The following TM4SF5 variants were observed in gnomAD, a reference collection of about 807,000 sequenced individuals.
TM4SF5 encodes transmembrane 4 L6 family member 5.
In TM4SF5, 16 loss-of-function variants were observed where a neutral mutation model predicts 22.3. The observed-to-expected ratio is 0.72, with a 90% CI of 0.49 to 1.09. The LOEUF (loss-of-function observed/expected upper bound fraction) is 1.09. Ranked by LOEUF, TM4SF5 falls within the 50% of genes least tolerant of loss-of-function variation. The pLI is 0.00. For missense variants in TM4SF5, 249 were observed against 266.1 expected, an observed-to-expected ratio of 0.94 and a Z score of 0.45; for synonymous variants, 113 against 109.6, an observed-to-expected ratio of 1.03 and a Z score of -0.19.
At chr17:4,773,992 A>T (rs544998424) in intron 1 of TM4SF5, among the ~76,000 whole-genome samples, 1 of 152,148 alleles carries the variant, frequency 6.6e-6, no homozygotes, top group Non-Finnish European at 1.5e-5. Context: ...GAGGCGGGCC[A>T]ATCACCTGAG....
At chr17:4,782,402 C>A in intron 2 of TM4SF5, 101 bp from the exon 3 acceptor site, 2 of 1,429,960 alleles carry the variant, frequency 1.4e-6, no homozygotes, top group Non-Finnish European at 1.9e-6. Context: ...TTTAACAACC[C>A]GACTGGAGCA....
At chr17:4,777,546 G>A (rs967222694) in intron 1 of TM4SF5, among the ~76,000 whole-genome samples, 1 of 152,012 alleles carries the variant, frequency 6.6e-6, no homozygotes, top group African/African-American at 2.4e-5. Context: ...TTCAAGACCA[G>A]CCTGGGCAAC....
intron 3 of TM4SF5, 70 bp downstream of exon 3, chr17:4,782,709 G>A: frequency 1.3e-6 from 2 of 1,597,168 alleles, no homozygotes; most frequent in Non-Finnish European, 8.5e-7. Flanking sequence ...CCGTGGACTG[G>A]GACACCTGGG....
intron 1 of TM4SF5, 50 bp from the exon 2 acceptor site, chr17:4,780,739 G>A (rs374624155): frequency 3.9e-6 from 6 of 1,520,290 alleles, no homozygotes; most frequent in Non-Finnish European, 5.4e-6. Flanking sequence ...TGCAAGTCAG[G>A]CCTGGAGGAT....
intron 1 of TM4SF5, among the ~76,000 whole-genome samples, chr17:4,773,766 C>T (rs1407005914): frequency 1.3e-5 from 2 of 152,170 alleles, no homozygotes; most frequent in African/African-American, 2.4e-5. Flanking sequence ...GCCATTGTCA[C>T]GGGGTGCTCC....
chr17:4,780,714 G>T (rs1341772177), intron 1 of TM4SF5, 75 bp from the exon 2 acceptor site: 11 of 1,230,896 alleles, frequency 8.9e-6, no homozygotes, highest in Non-Finnish European at 9.2e-6. Flanking sequence ...GCTTCCTGAA[G>T]GAGGTAGGCA....
intron 1 of TM4SF5, among the ~76,000 whole-genome samples, chr17:4,774,515 C>T (rs1413644628): frequency 6.6e-6 from 1 of 151,868 alleles, no homozygotes; most frequent in Non-Finnish European, 1.5e-5. Flanking sequence ...CCACTGCACT[C>T]CAGCCTGGGC....
At chr17:4,782,467 G>C (rs1196374053) in intron 2 of TM4SF5, 36 bp from the exon 3 acceptor site, 2 of 1,613,094 alleles carry the variant, frequency 1.2e-6, no homozygotes, top group South Asian at 2.2e-5. Flanking sequence ...CAGGTGGGGA[G>C]ATTGGGCCTT....
intron 1 of TM4SF5, 60 bp from the exon 2 acceptor site, chr17:4,780,729 T>C (rs531276745): frequency 2.1e-6 from 3 of 1,444,976 alleles, no homozygotes; most frequent in Admixed American, 3.9e-5. Flanking sequence ...TAGGCACTGA[T>C]GCAAGTCAGG....
At chr17:4,775,170 G>A (rs777039048) in intron 1 of TM4SF5, among the ~76,000 whole-genome samples, 1 of 152,102 alleles carries the variant, frequency 6.6e-6, no homozygotes. Context: ...GGTCTGAGGA[G>A]GGCAGAGGCT....
chr17:4,775,921 T>C (rs1459192765), intron 1 of TM4SF5, among the ~76,000 whole-genome samples: 1 of 152,164 alleles, frequency 6.6e-6, no homozygotes, highest in East Asian at 1.9e-4. Context: ...CTCAGCTCAC[T>C]GCAACCTCCG....
Position 4,772,589 on chromosome 17 carries a change from C to T in TM4SF5, c.177+490C>T, listed in dbSNP as rs111433893. 6.7e-3 allele frequency among the ~76,000 whole-genome samples: 1,021 copies of T among 152,242 alleles called. 5 individuals carry two copies. The highest frequency in any genetic ancestry group is 0.017 in the Middle Eastern group (5 of 294). ...CACATTTCTGGAAGCCCAATCTGTG[C>T]GGACTGCTAAGGATAAACTCAGAAC... On this transcript the variant is annotated intron_variant, in intron 1 of 4. Transcript: ENST00000270560.
chr17:4,773,843 G>A (rs974212774), intron 1 of TM4SF5, among the ~76,000 whole-genome samples: 4 of 152,180 alleles, frequency 2.6e-5, no homozygotes, highest in Admixed American at 6.5e-5. Flanking sequence ...TTGCTTCAGC[G>A]GAGCTCCCTG....
At chr17:4,773,091 G>T (rs1308930474) in intron 1 of TM4SF5, among the ~76,000 whole-genome samples, 1 of 151,996 alleles carries the variant, frequency 6.6e-6, no homozygotes, top group Non-Finnish European at 1.5e-5. Context: ...TTTCAGTAGA[G>T]ACAGGGTTTC....
intron 2 of TM4SF5, among the ~76,000 whole-genome samples, chr17:4,781,521 A>G (rs1168215846): frequency 2.0e-5 from 3 of 151,960 alleles, no homozygotes; most frequent in African/African-American, 7.2e-5. Context: ...ACATTTATTT[A>G]TCTTATTTAT....
In TM4SF5 at chr17:4,780,347, G is replaced by A. The variant is rs140334299; in HGVS notation, c.178-442G>A. ...TGGGATTTCAGGCGTGAACCACCGC[G>A]CCCGGCCTCTGAGCCAGTCTTAACA... On this transcript the variant is annotated intron_variant, in intron 1 of 4. Coordinates refer to ENST00000270560, the MANE Select transcript of TM4SF5 (RefSeq NM_003963.3). 1.7e-4 allele frequency among the ~76,000 whole-genome samples: 26 copies of A among 152,180 alleles called. No homozygotes were observed. The East Asian group carries it at 3.1e-3, about 18-fold the overall frequency.
chr17:4,778,024 C>A (rs372797444), intron 1 of TM4SF5, among the ~76,000 whole-genome samples: 7 of 151,362 alleles, frequency 4.6e-5, no homozygotes, highest in African/African-American at 1.7e-4. Context: ...CCAGTCTGGG[C>A]AACAGTGTGA....
intron 1 of TM4SF5, among the ~76,000 whole-genome samples, chr17:4,772,519 G>A (rs965502756): frequency 6.6e-6 from 1 of 152,066 alleles, no homozygotes; most frequent in Non-Finnish European, 1.5e-5. Flanking sequence ...CTGCCCTCAC[G>A]GATCAGTCAC....
chr17:4,772,070 A>G lies in TM4SF5; in HGVS notation c.148A>G (p.Met50Val), dbSNP rs771981175. 3 of 1,614,192 alleles carry G rather than the reference A, an allele frequency of 1.9e-6. No individual in the cohort carries two copies. Among genetic ancestry groups the G allele is most frequent in the Non-Finnish European group, 2.5e-6 (3 of 1,180,040 alleles). Reference sequence around the variant, plus strand: ...CCATCTCAGCTTGCAAGTCTGGCTCATGGGCGGCTTCATTGGCGGGGGCCT... The same window carrying G: ...CCATCTCAGCTTGCAAGTCTGGCTCGTGGGCGGCTTCATTGGCGGGGGCCT... Reference protein sequence around the residue: ...TNHLSLQVWLMGGFIGGGLMV... With the variant: ...TNHLSLQVWLVGGFIGGGLMV... The change falls in exon 1 of 5, where the codon ATG becomes GTG. Residue 50 changes from methionine to valine, a missense_variant. Met to Val is a conservative substitution (Grantham distance 21). Transcript: ENST00000270560.
Sources: gnomAD v4.1 joint callset for allele counts (sites outside exome capture counted in the v4.1 genomes callset) on GRCh38, gnomAD v4.1.1 for gene constraint, MANE v1.5 for transcripts, NCBI Gene and HGNC (gene_info 2026-07-23, HGNC 2026-07-21) for gene names.